The following ACHE variants were observed in gnomAD, a reference collection of about 807,000 sequenced individuals.
ACHE encodes acetylcholinesterase.
A neutral mutation model predicts 53.9 loss-of-function variants in ACHE; 19 were observed. That is an observed-to-expected ratio of 0.35 (90% CI 0.25 to 0.52). The LOEUF (loss-of-function observed/expected upper bound fraction) is 0.52. Among genes scored for constraint, ACHE ranks in the 20% least tolerant of loss-of-function variants. The pLI is 0.95. For synonymous variants in ACHE, 392 were observed against 378.1 expected (o/e 1.04, Z -0.43); for missense variants, 605 against 849.4 (o/e 0.71, Z 3.58).
At chr7:100,894,274 A>G in intron 1 of ACHE, 22 bp from the exon 2 acceptor site, 1 of 1,398,928 alleles carries the variant, frequency 7.1e-7, no homozygotes, top group East Asian at 2.6e-5. Flanking sequence ...AAGAAAGGGA[A>G]AGGGTGAAGG....
intron 4 of ACHE, 80 bp from the exon 5 acceptor site, chr7:100,890,415 A>AG (rs983767748): frequency 5.5e-5 from 85 of 1,536,954 alleles, no homozygotes; most frequent in South Asian, 3.6e-4. Context: ...GGCGGGTTGA[A>AG]GGGGGGGTAT....
chr7:100,891,141 C>A, intron 4 of ACHE, 28 bp downstream of exon 4: 1 of 1,578,868 alleles, frequency 6.3e-7, no homozygotes. Context: ...CCCCTCCTCC[C>A]AGCCGCTGCC....
chr7:100,892,839 G>T lies in ACHE; in HGVS notation c.1069-21C>A. ...AGCACCTGGGGGTGAGGGAGAGGGG[G>T]GTGGGATGGAGCGACAGGCACAGAC... On this transcript the variant is annotated intron_variant, in intron 2 of 4. Coordinates refer to ENST00000241069, the MANE Select transcript of ACHE (RefSeq NM_000665.5). This position sits in a 1 kb window ranked among gnomAD's most constrained non-coding sequence, Gnocchi z 5.2. The T allele has an allele frequency of 6.4e-7, 1 of 1,551,506 alleles. No homozygotes were observed. Among genetic ancestry groups the T allele is most frequent in the Non-Finnish European group, 8.7e-7 (1 of 1,151,496 alleles).
chr7:100,896,896 A>T (rs989604660), upstream of ACHE: 1 of 153,796 alleles, frequency 6.5e-6, no homozygotes, highest in Non-Finnish European at 1.5e-5. Context: ...TGCATGCGGC[A>T]ATACCGCGCG....
Position 100,893,546 on chromosome 7 carries a change from C to T in ACHE, c.687G>A (p.Thr229=), listed in dbSNP as rs151335006. 1.3e-4 allele frequency: 202 copies of T among 1,611,350 alleles called. No individual in the cohort carries two copies. The African/African-American group carries it at 2.3e-3, about 18-fold the overall frequency. The change falls in exon 2 of 5, where the codon ACG becomes ACA. Residue 229 remains threonine (T), a synonymous_variant. Transcript: ENST00000241069. The part of the protein sequence containing the change: ...AAFGGDPTSV[T]LFGESAGAAS... ...CGGCTCCCGCGCTCTCCCCAAACAG[C>T]GTCACTGATGTCGGGTCACCCCCGA...
At chr7:100,890,415 AGGG>A in intron 4 of ACHE, 80 bp from the exon 5 acceptor site, 2 of 1,537,102 alleles carry the variant, frequency 1.3e-6, no homozygotes, top group Non-Finnish European at 1.8e-6. Flanking sequence ...GGCGGGTTGA[AGGG>A]GGGGTATGAG....
At position 100,894,166 on chromosome 7, in the gene ACHE, A is replaced by G. The variant is rs1790888317; in HGVS notation, c.67T>C (p.Trp23Arg). 6.7e-7 allele frequency: 1 copy of G among 1,485,242 alleles called. No homozygotes were observed. Among genetic ancestry groups the G allele is most frequent in the East Asian group, 2.3e-5 (1 of 42,950 alleles). The allele number at this position is 1,485,242 out of a possible 1,614,324, so 92.0% of individuals were successfully genotyped here. ...GCCCCCACTCCTCCACCCAGGAGCC[A>G]GAGGAGGAGGAGAAGGAGTGGGGAA... ...LASPLLLLLL[W>R]LLGGGVGAEG... Residue 23 changes from tryptophan to arginine, a missense_variant, in exon 2 of 5, where the codon TGG becomes CGG. Coordinates refer to ENST00000241069, the MANE Select transcript of ACHE (RefSeq NM_000665.5).
chr7:100,894,840 G>A (rs368016071), intron 1 of ACHE, among the ~76,000 whole-genome samples: 3 of 143,918 alleles, frequency 2.1e-5, no homozygotes, highest in African/African-American at 5.1e-5. Context: ...GCTGATGCCC[G>A]CGGGTTCCCA....
Position 100,892,901 on chromosome 7 carries a change from C to A in ACHE, c.1069-83G>T. On this transcript the variant is annotated intron_variant, in intron 2 of 4. Transcript: ENST00000241069. The surrounding 1 kb of genome is among the most constrained non-coding windows in gnomAD (Gnocchi z 5.2). ...CAGAAACAGATGGACAGACAAAGAG[C>A]CAGAGAGATGAACAGTTACAGACCC... 1 of 1,448,002 alleles carries A rather than the reference C, an allele frequency of 6.9e-7. No individual in the cohort carries two copies. Among genetic ancestry groups the A allele is most frequent in the Non-Finnish European group, 9.1e-7 (1 of 1,093,168 alleles). 89.7% of individuals were successfully genotyped at this position (1,448,002 alleles called of 1,614,324 possible). A position where few individuals can be genotyped will look rare whatever the true frequency, so the allele number is the denominator to read the frequency against.
rs539523870 is a variant in ACHE, at chr7:100,890,623, AAAG to A, written c.1724-291_1724-289del. 4.2e-3 allele frequency: 5,819 copies of A among 1,376,486 alleles called. 12 individuals carry two copies. The highest frequency in any genetic ancestry group is 4.9e-3 in the Non-Finnish European group (5,227 of 1,064,860). 85.3% of individuals were successfully genotyped at this position (1,376,486 alleles called of 1,614,324 possible). ...GGACAGGAGGGGGAGGTTGGGGGAAAAAGAAGAGACAGAAATGGTTGACCGTTA... is the reference window on the plus strand; with the variant it reads ...GGACAGGAGGGGGAGGTTGGGGGAAAAAGAGACAGAAATGGTTGACCGTTA... On this transcript the variant is annotated intron_variant, in intron 4 of 4. Transcript: ENST00000241069.
chr7:100,892,372 C>T lies in ACHE; in HGVS notation c.1515G>A (p.Gln505=). 6.6e-7 allele frequency: 1 copy of T among 1,516,638 alleles called. No individual in the cohort carries two copies. The allele number at this position is 1,516,638 out of a possible 1,614,324, so 93.9% of individuals were successfully genotyped here. A position where few individuals can be genotyped will look rare whatever the true frequency, so the allele number is the denominator to read the frequency against. Residue 505 remains glutamine (Q), a synonymous_variant, in exon 3 of 5, where the codon CAG becomes CAA. Transcript: ENST00000241069. The surrounding 1 kb of genome is among the most constrained non-coding windows in gnomAD (Gnocchi z 5.2). ...NYTAEEKIFA[Q]RLMRYWANFA... is the part of the protein sequence containing the mutation. ...AGTTGGCCCAGTATCGCATCAGTCG[C>T]TGGGCGAAGATTTTCTCCTCTGCCG...
chr7:100,894,932 G>A (rs147846370), intron 1 of ACHE, among the ~76,000 whole-genome samples: 96 of 152,226 alleles, frequency 6.3e-4, no homozygotes, highest in South Asian at 1.0e-3. Flanking sequence ...CCCCCCATCC[G>A]TCTGAAGCTG....
Position 100,893,699 on chromosome 7 carries a change from C to T in ACHE, c.534G>A (p.Val178=). 1.9e-6 allele frequency: 3 copies of T among 1,613,478 alleles called. No homozygotes were observed. The highest frequency in any genetic ancestry group is 2.5e-6 in the Non-Finnish European group (3 of 1,180,020). ...AGGCTCCCACCCGGTAGTTCATGGA[C>T]ACCAGCACAGTCCTCTCGGCCTGTA... is the stretch of plus-strand genomic sequence containing the variant. ...FLVQAERTVL[V]SMNYRVGAFG... is the part of the protein sequence containing the mutation. Residue 178 remains valine, a synonymous_variant, in exon 2 of 5, where the codon GTG becomes GTA. Transcript: ENST00000241069.
At chr7:100,894,856 T>C (rs1355872556) in intron 1 of ACHE, among the ~76,000 whole-genome samples, 3 of 150,140 alleles carry the variant, frequency 2.0e-5, no homozygotes, top group African/African-American at 7.4e-5. Flanking sequence ...TCCCATCAGC[T>C]GCGCACGCTC....
intron 2 of ACHE, 78 bp downstream of exon 2, chr7:100,893,087 T>G (rs748706029): frequency 6.8e-7 from 1 of 1,462,160 alleles, no homozygotes; most frequent in South Asian, 1.2e-5. Flanking sequence ...GAAGCCCTCA[T>G]GCCTGGGTCC....
chr7:100,894,400 G>GAAGGAGACAGGCAGAGAC (rs1478505778), intron 1 of ACHE, 148 bp from the exon 2 acceptor site: 13 of 415,314 alleles, frequency 3.1e-5, no homozygotes, highest in African/African-American at 2.7e-4. Context: ...GGGAGGGAGG[G>GAAGGAGACAGGCAGAGAC]AAGGAGACAG....
At chr7:100,896,617 G>A, upstream of ACHE, 4 of 270,598 alleles carry the variant, frequency 1.5e-5, no homozygotes, top group Admixed American at 4.6e-5. Context: ...CTCCGCGGCG[G>A]CAGTGGAAAC....
At chr7:100,894,354 G>A in intron 1 of ACHE, 102 bp from the exon 2 acceptor site, 4 of 806,896 alleles carry the variant, frequency 5.0e-6, no homozygotes, top group Non-Finnish European at 5.3e-6. Context: ...CAGCTGCAGA[G>A]GAGGTGGGGC....
rs371989032 is a variant in ACHE, at chr7:100,894,102, C to T, written c.131G>A (p.Arg44His). 40 of 1,515,286 alleles carry T rather than the reference C, an allele frequency of 2.6e-5. No homozygotes were observed. Among genetic ancestry groups the T allele is most frequent in the African/African-American group, 5.5e-5 (4 of 72,092 alleles). 93.9% of individuals were successfully genotyped at this position (1,515,286 alleles called of 1,614,324 possible). Residue 44 changes from arginine (R) to histidine (H), a missense_variant, in exon 2 of 5, where the codon CGT becomes CAT. This residue lies in a region of ACHE where 89 missense variants were observed against 78.9 expected (regional missense o/e 1.13). Transcript: ENST00000241069. ...GCGAATGCCCCGCAGCCGGCCCCCA[C>T]GCACCGTCACCAGCAGCTCTGCATC... ...REDAELLVTVRGGRLRGIRLK... is the reference protein window; with the variant it reads ...REDAELLVTVHGGRLRGIRLK...
Sources: allele counts gnomAD v4.1 joint callset (sites outside exome capture counted in the v4.1 genomes callset), GRCh38; gene constraint gnomAD v4.1.1; regional missense constraint gnomAD v4.1.1; non-coding constraint Gnocchi (gnomAD v3.1); transcripts MANE v1.5; gene names NCBI Gene and HGNC (gene_info 2026-07-23, HGNC 2026-07-21).